The following RAD51B variants were observed in gnomAD, a reference collection of about 807,000 sequenced individuals.
The protein encoded by RAD51B is DNA repair protein RAD51 homolog 2.
RAD51B carries 38 observed loss-of-function variants against 42.2 expected under a neutral mutation model. The observed-to-expected ratio is 0.90, with a 90% confidence interval of 0.70 to 1.18. The LOEUF (loss-of-function observed/expected upper bound fraction) is 1.18, where lower values mean the gene tolerates loss of function less well. RAD51B is among the 50% of genes most tolerant of loss of function. The probability of loss-of-function intolerance (pLI) is 0.00; values close to 1 mark genes in which losing one functional copy is unlikely to be tolerated. For synonymous variants in RAD51B, 154 were observed against 145.2 expected (o/e 1.06, Z -0.43); for missense variants, 373 against 400.7 (o/e 0.93, Z 0.59).
At chr14:67,987,158 C>T (rs1431250558) in intron 7 of RAD51B, among the ~76,000 whole-genome samples, 2 of 152,158 alleles carry the variant, frequency 1.3e-5, no homozygotes, top group Non-Finnish European at 2.9e-5. Flanking sequence ...GTATCTATCC[C>T]CTCAAGCATT....
intron 8 of RAD51B, chr14:68,339,379 G>A (rs970724100): frequency 1.0e-6 from 1 of 990,758 alleles, no homozygotes. Context: ...AAGCGGGTGA[G>A]GTCTCTTTGG....
intron 7 of RAD51B, chr14:68,000,247 TC>T (rs1460859501): frequency 6.6e-6 from 1 of 152,144 alleles, no homozygotes; most frequent in African/African-American, 2.4e-5. Flanking sequence ...AATATTAAAC[TC>T]CAGAGCTCAT....
At chr14:68,402,266 T>C (rs2084126971) in intron 8 of RAD51B, among the ~76,000 whole-genome samples, 1 of 152,212 alleles carries the variant, frequency 6.6e-6, no homozygotes, top group South Asian at 2.1e-4. Flanking sequence ...ACTCATCCTC[T>C]TCGCCTTTTG....
At chr14:68,139,430 G>A (rs1022955217) in intron 7 of RAD51B, among the ~76,000 whole-genome samples, 3 of 152,090 alleles carry the variant, frequency 2.0e-5, no homozygotes, top group Non-Finnish European at 4.4e-5. Flanking sequence ...AATTGTTCTT[G>A]TTTTCCTTTG....
intron 8 of RAD51B, among the ~76,000 whole-genome samples, chr14:68,402,329 G>A (rs888390730): frequency 6.6e-6 from 1 of 152,170 alleles, no homozygotes; most frequent in African/African-American, 2.4e-5. Context: ...GCCAAGAGAG[G>A]TAACCAAGAT....
At chr14:68,373,697 G>A (rs1220872422) in intron 8 of RAD51B, among the ~76,000 whole-genome samples, 4 of 152,176 alleles carry the variant, frequency 2.6e-5, no homozygotes, top group Non-Finnish European at 5.9e-5. Flanking sequence ...ATGATGGGTT[G>A]ATGGGTGCAG....
At chr14:68,141,580 G>A (rs1248031014) in intron 7 of RAD51B, among the ~76,000 whole-genome samples, 4 of 152,064 alleles carry the variant, frequency 2.6e-5, no homozygotes, top group Non-Finnish European at 5.9e-5. Flanking sequence ...GTGTGACAAC[G>A]CTGAAAAGTT....
At chr14:68,047,558 C>T (rs940249918) in intron 7 of RAD51B, among the ~76,000 whole-genome samples, 4 of 152,066 alleles carry the variant, frequency 2.6e-5, no homozygotes, top group African/African-American at 9.7e-5. Flanking sequence ...TGTAATTTAA[C>T]ATAATTGAAA....
At chr14:68,664,347 C>T (rs1402239019) in intron 11 of RAD51B, among the ~76,000 whole-genome samples, 4 of 152,148 alleles carry the variant, frequency 2.6e-5, no homozygotes, top group African/African-American at 9.7e-5. Flanking sequence ...TTAACCTCTG[C>T]CCTTACAGAG....
chr14:68,275,296 A>G lies in RAD51B; in HGVS notation c.757-16588A>G, dbSNP rs141311740. On this transcript the variant is annotated intron_variant, in intron 7 of 10. Transcript: ENST00000471583. The stretch of plus-strand genomic sequence containing the variant: ...CCTGAGAACTGACTAAATTTATATG[A>G]AAGTAACATTCTTATAGTTGTATTG... Among the ~76,000 whole-genome samples the G allele has an allele frequency of 4.0e-3, 606 of 152,324 alleles. 5 individuals are homozygous for G. The highest frequency in any genetic ancestry group is 0.014 in the African/African-American group (584 of 41,584).
chr14:68,533,596 G>T (rs1887442420), intron 10 of RAD51B, among the ~76,000 whole-genome samples: 1 of 152,180 alleles, frequency 6.6e-6, no homozygotes, highest in East Asian at 1.9e-4. Flanking sequence ...GGGAGTTTCT[G>T]TCTGATTATT....
intron 8 of RAD51B, among the ~76,000 whole-genome samples, chr14:68,308,129 A>G (rs1456302786): frequency 6.6e-6 from 1 of 152,176 alleles, no homozygotes; most frequent in Non-Finnish European, 1.5e-5. Context: ...GTTGTTTTCT[A>G]AATAATATCA....
chr14:68,407,401 C>T (rs552846957), intron 8 of RAD51B, among the ~76,000 whole-genome samples: 3 of 152,268 alleles, frequency 2.0e-5, no homozygotes, highest in Non-Finnish European at 2.9e-5. Flanking sequence ...TACTTTTATA[C>T]AGCTGAGATT....
At chr14:68,286,959 C>T (rs958196639) in intron 7 of RAD51B, among the ~76,000 whole-genome samples, 6 of 152,270 alleles carry the variant, frequency 3.9e-5, no homozygotes, top group East Asian at 1.9e-4. Flanking sequence ...TTTTTAAATA[C>T]TTAGTGGAAA....
intron 7 of RAD51B, among the ~76,000 whole-genome samples, chr14:68,067,801 A>G (rs1307525264): frequency 6.6e-6 from 1 of 151,862 alleles, no homozygotes; most frequent in African/African-American, 2.4e-5. Context: ...GCTTGGTGGT[A>G]TGCACCTACA....
At chr14:68,180,828 C>T (rs1339198920) in intron 7 of RAD51B, among the ~76,000 whole-genome samples, 1 of 152,142 alleles carries the variant, frequency 6.6e-6, no homozygotes, top group Non-Finnish European at 1.5e-5. Flanking sequence ...AGACCAAGGG[C>T]TTTTCTGGGC....
At chr14:68,469,355 C>T (rs1332053698) in intron 10 of RAD51B, among the ~76,000 whole-genome samples, 1 of 152,232 alleles carries the variant, frequency 6.6e-6, no homozygotes, top group Non-Finnish European at 1.5e-5. Context: ...CTTCCCTTTC[C>T]TTCCCCTTCT....
chr14:68,543,591 A>G (rs1888074966), intron 10 of RAD51B, among the ~76,000 whole-genome samples: 1 of 152,222 alleles, frequency 6.6e-6, no homozygotes, highest in Non-Finnish European at 1.5e-5. Context: ...ATTTGTCTTG[A>G]GTTGGAACTA....
At chr14:68,305,826 A>T (rs2081848601) in intron 8 of RAD51B, among the ~76,000 whole-genome samples, 1 of 152,202 alleles carries the variant, frequency 6.6e-6, no homozygotes. Context: ...CCCCTGTTCC[A>T]CTGAGAACTT....
Sources: allele counts gnomAD v4.1 joint callset (sites outside exome capture counted in the v4.1 genomes callset), GRCh38; gene constraint gnomAD v4.1.1; transcripts MANE v1.5; gene names NCBI Gene and HGNC (gene_info 2026-07-23, HGNC 2026-07-21).